KTN1: variants seen among roughly 807,000 people sequenced by gnomAD.
The protein encoded by KTN1 is kinectin 1.
Under a neutral mutation model 222.5 loss-of-function variants are expected in KTN1, and 130 were observed. The ratio of observed to expected loss-of-function variants is 0.58; its 90% CI spans 0.51 to 0.68. The LOEUF (loss-of-function observed/expected upper bound fraction) is 0.68. KTN1 is among the 30% of genes least tolerant of loss of function. The pLI, the probability that KTN1 is intolerant of heterozygous loss-of-function variation, is 0.00. For synonymous variants in KTN1, 512 were observed against 496.3 expected (o/e 1.03, Z -0.42); for missense variants, 1,508 against 1,500.4 (o/e 1.01, Z -0.08).
At chr14:55,681,356 AC>A (rs2046350992) in intron 43 of KTN1, 1 of 152,120 alleles carries the variant, frequency 6.6e-6, no homozygotes, top group South Asian at 2.1e-4. Context: ...ATTGCCTATT[AC>A]CCCTTGCCTT....
chr14:55,603,527 T>G (rs1345888433), intron 1 of KTN1, among the ~76,000 whole-genome samples: 1 of 152,204 alleles, frequency 6.6e-6, no homozygotes, highest in Non-Finnish European at 1.5e-5. Flanking sequence ...GACAGCAAAC[T>G]CCTAGTTTTC....
At chr14:55,616,430 A>C (rs959363947) in intron 2 of KTN1, 87 bp from the exon 3 acceptor site, 1 of 1,251,306 alleles carries the variant, frequency 8.0e-7, no homozygotes, top group African/African-American at 1.5e-5. Context: ...TAGTGGTAAA[A>C]CATTCTGGGA....
rs563007413 is a variant in KTN1 at position 55,656,386 on chromosome 14, G to C, written c.2892+254G>C. The C allele has an allele frequency of 1.2e-4, 41 of 350,326 alleles. 1 individual carries two copies. The South Asian group carries it at 4.1e-3, about 35-fold the overall frequency. 21.7% of individuals were successfully genotyped at this position (350,326 alleles called of 1,614,324 possible). A position where few individuals can be genotyped will look rare whatever the true frequency, so the allele number is the denominator to read the frequency against. On this transcript the variant is annotated intron_variant, in intron 29 of 43. Transcript: ENST00000395314. ...TTTTGCTTTCTTCACAATTAACAGTGTTTTCAAGATCTTTCCATATAAAGC... is the reference window on the plus strand; with the variant it reads ...TTTTGCTTTCTTCACAATTAACAGTCTTTTCAAGATCTTTCCATATAAAGC...
intron 42 of KTN1, 183 bp downstream of exon 42, chr14:55,678,627 G>T (rs1255029791): frequency 5.4e-6 from 3 of 555,238 alleles, no homozygotes; most frequent in African/African-American, 3.8e-5. Flanking sequence ...AATTTTAAGG[G>T]TTGTGTTGAG....
At chr14:55,638,374 A>G (rs1408451787) in intron 12 of KTN1, among the ~76,000 whole-genome samples, 1 of 151,928 alleles carries the variant, frequency 6.6e-6, no homozygotes, top group Non-Finnish European at 1.5e-5. Context: ...TATAAATAAT[A>G]TAAAGAAAAT....
intron 7 of KTN1, among the ~76,000 whole-genome samples, chr14:55,630,457 A>T (rs989124767): frequency 3.3e-5 from 5 of 152,202 alleles, no homozygotes; most frequent in African/African-American, 1.2e-4. Context: ...GGCACTGAGG[A>T]TAAGAGTTAC....
At chr14:55,640,039 C>A in intron 14 of KTN1, 36 bp downstream of exon 14, 1 of 1,234,480 alleles carries the variant, frequency 8.1e-7, no homozygotes, top group Non-Finnish European at 1.2e-6. Flanking sequence ...CAATATTTTA[C>A]AGAACTGAAA....
intron 43 of KTN1, chr14:55,680,916 C>G: frequency 2.7e-6 from 1 of 366,324 alleles, no homozygotes. Flanking sequence ...AGGAAATAAC[C>G]TTGCTTCCTA....
In KTN1 at chr14:55,615,487, T is replaced by C. The variant is rs1289900771; in HGVS notation, c.524-1030T>C. Among the ~76,000 whole-genome samples, 3 of 152,170 alleles carry C rather than the reference T, an allele frequency of 2.0e-5. No individual in the cohort carries two copies. The East Asian group carries it at 5.8e-4, about 29-fold the overall frequency. On this transcript the variant is annotated intron_variant, in intron 2 of 43. Transcript: ENST00000395314. ...GTGAAATTATACGATATTTATCTTT[T>C]TGTCACTGCCATATTTTACTTAGCA...
chr14:55,673,748 G>A (rs976642687), intron 40 of KTN1: 2 of 152,132 alleles, frequency 1.3e-5, no homozygotes, highest in Non-Finnish European at 2.9e-5. Flanking sequence ...ATATTAAAAA[G>A]CGTATAAGAG....
chr14:55,661,556 T>C lies in KTN1; in HGVS notation c.3034T>C (p.Trp1012Arg). ...SEREKEISGL[W>R]NELDSLKDAV... The stretch of plus-strand genomic sequence containing the variant: ...AAGAGAGAAAGAAATAAGTGGTCTC[T>C]GGAATGAGTTAGATTCTTTGAAGGA... The change falls in exon 32 of 44, where the codon TGG becomes CGG. Residue 1012 changes from tryptophan (W) to arginine (R), a missense_variant. By Grantham distance (101) the Trp-to-Arg change is moderately radical. Transcript: ENST00000395314. 6.2e-7 allele frequency: 1 copy of C among 1,603,634 alleles called. No individual in the cohort carries two copies. Among genetic ancestry groups the C allele is most frequent in the Non-Finnish European group, 8.5e-7 (1 of 1,170,956 alleles).
intron 11 of KTN1, 143 bp from the exon 12 acceptor site, chr14:55,637,636 A>G (rs1457912114): frequency 1.6e-6 from 1 of 639,780 alleles, no homozygotes; most frequent in African/African-American, 1.8e-5. Flanking sequence ...ATCATTGTTT[A>G]AAATAATGCC....
intron 25 of KTN1, among the ~76,000 whole-genome samples, chr14:55,652,613 A>G (rs1414017538): frequency 2.0e-5 from 3 of 152,096 alleles, no homozygotes; most frequent in East Asian, 3.9e-4. Flanking sequence ...GTTAGCCAGG[A>G]TGGTCTTGAT....
chr14:55,589,656 C>CTTTT lies in KTN1; in HGVS notation c.-31+9319_-31+9322dup, dbSNP rs765755065. Among the ~76,000 whole-genome samples the CTTTT allele has an allele frequency of 5.3e-3, 538 of 102,076 alleles. 14 individuals are homozygous for CTTTT. Among genetic ancestry groups the CTTTT allele is most frequent in the East Asian group, 0.019 (58 of 3,096 alleles). 67.0% of individuals were successfully genotyped at this position (102,076 alleles called of 152,430 possible). A position where few individuals can be genotyped will look rare whatever the true frequency, so the allele number is the denominator to read the frequency against. Reference sequence around the variant, plus strand: ...CTTGGTTACTATATTCATCTGATTTCTTTTTTTTTTTTTTTTTTTTGAGAT... The same window carrying CTTTT: ...CTTGGTTACTATATTCATCTGATTTCTTTTTTTTTTTTTTTTTTTTTTTTGAGAT... On this transcript the variant is annotated intron_variant, in intron 1 of 43. Transcript: ENST00000395314.
chr14:55,600,574 G>A (rs979558799), intron 1 of KTN1, among the ~76,000 whole-genome samples: 4 of 152,164 alleles, frequency 2.6e-5, no homozygotes, highest in African/African-American at 9.7e-5. Flanking sequence ...TGCCTGTTGA[G>A]CTGGGTCTAA....
chr14:55,648,171 T>C, intron 20 of KTN1, 56 bp downstream of exon 20: 1 of 853,644 alleles, frequency 1.2e-6, no homozygotes, highest in Non-Finnish European at 1.8e-6. Flanking sequence ...ATAAAAGGAT[T>C]TCTCTGTAAT....
At chr14:55,609,142 C>T (rs969481546) in intron 1 of KTN1, among the ~76,000 whole-genome samples, 6 of 152,068 alleles carry the variant, frequency 3.9e-5, no homozygotes, top group Admixed American at 6.5e-5. Flanking sequence ...CCTGTACGTT[C>T]CCTCCTCTCA....
intron 29 of KTN1, 30 bp downstream of exon 29, chr14:55,656,162 T>C (rs1026798929): frequency 7.2e-7 from 1 of 1,393,470 alleles, no homozygotes; most frequent in East Asian, 2.4e-5. Context: ...ATTAATTATT[T>C]TGTAAATTAT....
chr14:55,612,552 G>GA lies in KTN1; in HGVS notation c.506dup (p.Ser170ValfsTer2). The GA allele has an allele frequency of 6.3e-7, 1 of 1,583,986 alleles. No homozygotes were observed. Among genetic ancestry groups the GA allele is most frequent in the Non-Finnish European group, 8.5e-7 (1 of 1,172,086 alleles). ...CCTCGAAGAAGAAACCAGGGCAGAAGAAGTCTAAAAATGGAAGCGGTATTG... is the reference window on the plus strand; with the variant it reads ...CCTCGAAGAAGAAACCAGGGCAGAAGAAAGTCTAAAAATGGAAGCGGTATTG... On this transcript the variant is annotated frameshift_variant, in exon 2 of 44. Transcript: ENST00000395314. LOFTEE classifies it high-confidence loss of function.
Sources: gnomAD v4.1 joint callset for allele counts (sites outside exome capture counted in the v4.1 genomes callset) on GRCh38, gnomAD v4.1.1 for gene constraint, MANE v1.5 for transcripts, NCBI Gene and HGNC (gene_info 2026-07-23, HGNC 2026-07-21) for gene names.